Variants in TENM2 observed in about 807,000 individuals in gnomAD.
TENM2 encodes teneurin-2.
TENM2 carries 52 observed loss-of-function variants against 245.2 expected under a neutral mutation model. That is an observed-to-expected ratio of 0.21 (90% CI 0.17 to 0.27). TENM2 has a LOEUF of 0.27. Among genes scored for constraint, TENM2 ranks in the 10% least tolerant of loss-of-function variants. TENM2 has a pLI of 1.00. For synonymous variants in TENM2, 1,363 were observed against 1,438.9 expected (o/e 0.95, Z 1.19); for missense variants, 3,046 against 3,666.8 (o/e 0.83, Z 4.37).
intron 1 of TENM2, among the ~76,000 whole-genome samples, chr5:167,344,314 A>ATC (rs1384636134): frequency 6.5e-5 from 9 of 139,308 alleles, no homozygotes; most frequent in Non-Finnish European, 1.4e-4. Context: ...ACACACATAT[A>ATC]TATATATATA....
At chr5:167,964,356 G>A (rs1049570005) in intron 4 of TENM2, among the ~76,000 whole-genome samples, 7 of 152,150 alleles carry the variant, frequency 4.6e-5, no homozygotes, top group Non-Finnish European at 5.9e-5. Flanking sequence ...TCCCTAAGCA[G>A]GACAAAACTT....
At chr5:167,889,071 T>C (rs1774523449) in intron 3 of TENM2, among the ~76,000 whole-genome samples, 1 of 152,038 alleles carries the variant, frequency 6.6e-6, no homozygotes, top group African/African-American at 2.4e-5. Context: ...TTCACATCTC[T>C]TTGCTTTAAA....
the TENM2 span, among the ~76,000 whole-genome samples, chr5:167,236,337 A>G: frequency 6.6e-6 from 1 of 152,174 alleles, no homozygotes; most frequent in Non-Finnish European, 1.5e-5. Context: ...TATGGAAGGT[A>G]TTTCTTCTTT....
the TENM2 span, among the ~76,000 whole-genome samples, chr5:166,996,998 T>G: frequency 6.6e-6 from 1 of 152,184 alleles, no homozygotes; most frequent in Non-Finnish European, 1.5e-5. Context: ...ATATTACTAG[T>G]CTTTATTCAC....
At chr5:168,260,509 A>G in intron 28 of TENM2, 96 bp downstream of exon 30, 2 of 1,437,190 alleles carry the variant, frequency 1.4e-6, no homozygotes, top group Non-Finnish European at 9.6e-7. Flanking sequence ...AGCGCAGGAA[A>G]ACATTGGAGC....
chr5:167,002,431 A>G, the TENM2 span, among the ~76,000 whole-genome samples: 3 of 152,290 alleles, frequency 2.0e-5, no homozygotes, highest in South Asian at 2.1e-4. Context: ...TAAAAGTCTC[A>G]TCTTGAGAAA....
rs1164402441 is a variant in TENM2 at position 168,238,157 on chromosome 5, A to AAGAGAGAG, written c.5521-6242_5521-6235dup. On this transcript the variant is annotated intron_variant, in intron 25 of 28. Coordinates refer to ENST00000518659, the Ensembl canonical transcript of TENM2. ...GAGACTCCATCTCAAGAAAGAAAGA[A>AAGAGAGAG]AGAGAGAGAGAGAGAGAGAGAGAGA... Among the ~76,000 whole-genome samples the AAGAGAGAG allele has an allele frequency of 1.1e-4, 8 of 69,934 alleles. 1 individual carries two copies. The East Asian group carries it at 5.3e-3, about 46-fold the overall frequency. 45.9% of individuals were successfully genotyped at this position (69,934 alleles called of 152,430 possible). A position where few individuals can be genotyped will look rare whatever the true frequency, so the allele number is the denominator to read the frequency against.
At chr5:167,230,027 A>T in the TENM2 span, among the ~76,000 whole-genome samples, 4 of 152,184 alleles carry the variant, frequency 2.6e-5, no homozygotes, top group Non-Finnish European at 5.9e-5. Context: ...TAGGATGGGC[A>T]GGATTGCTTC....
the TENM2 span, among the ~76,000 whole-genome samples, chr5:167,034,786 G>T: frequency 6.6e-6 from 1 of 152,110 alleles, no homozygotes; most frequent in African/African-American, 2.4e-5. Context: ...TCATGGGTGG[G>T]TTACCCTACT....
At chr5:167,675,855 AAAT>A (rs1234071554) in intron 2 of TENM2, among the ~76,000 whole-genome samples, 1 of 152,128 alleles carries the variant, frequency 6.6e-6, no homozygotes, top group Non-Finnish European at 1.5e-5. Flanking sequence ...TGTTAGATCC[AAAT>A]AATAACACAG....
chr5:167,062,612 T>G, the TENM2 span, among the ~76,000 whole-genome samples: 1 of 152,218 alleles, frequency 6.6e-6, no homozygotes, highest in African/African-American at 2.4e-5. Context: ...AACATTTACC[T>G]ACTTCATGCC....
At chr5:167,909,256 T>G (rs1776360141) in intron 3 of TENM2, among the ~76,000 whole-genome samples, 1 of 152,182 alleles carries the variant, frequency 6.6e-6, no homozygotes. Flanking sequence ...GTTGGACTTT[T>G]GTAAGGGAAG....
chr5:167,102,897 T>G, the TENM2 span, among the ~76,000 whole-genome samples: 1 of 152,346 alleles, frequency 6.6e-6, no homozygotes, highest in East Asian at 1.9e-4. Context: ...TGACCTCAAG[T>G]GATCTGCCCA....
rs74603908 is a variant in TENM2, at chr5:167,795,842, T to C, written c.503-80144T>C. ...GAAGACAAGCCAGATTTTCAAAACG[T>C]TGAGAAGACTTCGAGGCAATGTGCA... On this transcript the variant is annotated intron_variant, in intron 2 of 28. Transcript: ENST00000518659. 4.2e-3 allele frequency among the ~76,000 whole-genome samples: 639 copies of C among 152,344 alleles called. 11 individuals carry two copies. The highest frequency in any genetic ancestry group is 0.015 in the African/African-American group (610 of 41,576).
At chr5:167,147,968 A>G in the TENM2 span, among the ~76,000 whole-genome samples, 1 of 152,220 alleles carries the variant, frequency 6.6e-6, no homozygotes, top group Non-Finnish European at 1.5e-5. Context: ...GTTTCCATGC[A>G]GAATGAGGAT....
intron 15 of TENM2, among the ~76,000 whole-genome samples, chr5:168,196,618 C>T (rs1367486533): frequency 3.3e-5 from 5 of 152,118 alleles, no homozygotes; most frequent in Non-Finnish European, 5.9e-5. Flanking sequence ...CCCGCCACCA[C>T]GCCCAGCTAA....
intron 3 of TENM2, 77 bp downstream of exon 5, chr5:167,876,272 C>T: frequency 1.6e-6 from 2 of 1,249,256 alleles, no homozygotes; most frequent in Middle Eastern, 1.9e-4. Context: ...AATGACAATG[C>T]TGAAACAAGG....
intron 1 of TENM2, among the ~76,000 whole-genome samples, chr5:167,350,443 G>A (rs1000963275): frequency 7.1e-6 from 1 of 139,876 alleles, no homozygotes; most frequent in Non-Finnish European, 1.6e-5. Context: ...GTGTGTGTGT[G>A]TGTATGTATG....
At chr5:167,730,132 C>T (rs1208775981) in intron 2 of TENM2, among the ~76,000 whole-genome samples, 3 of 152,168 alleles carry the variant, frequency 2.0e-5, no homozygotes, top group African/African-American at 4.8e-5. Context: ...AGCCTTCAAC[C>T]GGAACTACTG....
Sources: gnomAD v4.1 joint callset for allele counts (sites outside exome capture counted in the v4.1 genomes callset) on GRCh38, gnomAD v4.1.1 for gene constraint, MANE v1.5 for transcripts, NCBI Gene and HGNC (gene_info 2026-07-23, HGNC 2026-07-21) for gene names.